TGM6: variants seen among roughly 807,000 people sequenced by gnomAD.
The protein encoded by TGM6 is transglutaminase 6.
In TGM6, 74 loss-of-function variants were observed where a neutral mutation model predicts 77.5. The ratio of observed to expected loss-of-function variants is 0.96; its 90% CI spans 0.79 to 1.16. TGM6 has a LOEUF of 1.16. TGM6 is among the 50% of genes most tolerant of loss of function. The probability of loss-of-function intolerance (pLI) is 0.00; values close to 1 mark genes in which losing one functional copy is unlikely to be tolerated. For synonymous variants in TGM6, 383 were observed against 378.9 expected (o/e 1.01, Z -0.12); for missense variants, 968 against 940.2 (o/e 1.03, Z -0.39).
chr20:2,381,409 C>T (rs6113939), intron 1 of TGM6, among the ~76,000 whole-genome samples: 2,772 of 152,196 alleles, frequency 0.018, 90 homozygotes, highest in African/African-American at 0.064. Context: ...TGATTCCCAC[C>T]CCAAGCACTT....
At chr20:2,397,885 G>A (rs200355765) in intron 4 of TGM6, 33 bp from the exon 5 acceptor site, 19 of 1,613,990 alleles carry the variant, frequency 1.2e-5, no homozygotes, top group South Asian at 4.4e-5. Context: ...GTGACTGAAC[G>A]CAGCCTCTAA....
Position 2,417,538 on chromosome 20 carries a change from A to G in TGM6, c.1643A>G (p.His548Arg), listed in dbSNP as rs753912117. ...YTRKPVAEIL[H>R]ESHAVRLGPQ... Reference sequence around the variant, plus strand: ...CGCAAGCCAGTGGCAGAGATCCTGCATGAATCCCACGCCGTGAGGCTGGGG... The same window carrying G: ...CGCAAGCCAGTGGCAGAGATCCTGCGTGAATCCCACGCCGTGAGGCTGGGG... Residue 548 changes from histidine to arginine, a missense_variant, in exon 10 of 13, where the codon CAT becomes CGT. Coordinates refer to ENST00000202625, the MANE Select transcript of TGM6 (RefSeq NM_198994.3). 1 of 1,605,460 alleles carries G rather than the reference A, an allele frequency of 6.2e-7. No individual in the cohort carries two copies. The highest frequency in any genetic ancestry group is 8.5e-7 in the Non-Finnish European group (1 of 1,179,930).
Position 2,430,565 on chromosome 20 carries a change from A to G in TGM6, c.1798A>G (p.Lys600Glu). Residue 600 changes from lysine to glutamate, a missense_variant, in exon 11 of 13, where the codon AAG becomes GAG. By Grantham distance (56) the Lys-to-Glu change is moderately conservative (BLOSUM62 1). Coordinates refer to ENST00000202625, the MANE Select transcript of TGM6 (RefSeq NM_198994.3). ...VTKGEKLLVEKDITLEDFITI... is the reference protein window; with the variant it reads ...VTKGEKLLVEEDITLEDFITI... ...CAAAGGAGAGAAGCTTCTGGTGGAG[A>G]AGGACATTACTCTAGAGGACTTCAT... The G allele has an allele frequency of 1.9e-6, 3 of 1,614,138 alleles. No individual in the cohort carries two copies. Among genetic ancestry groups the G allele is most frequent in the South Asian group, 1.1e-5 (1 of 91,080 alleles).
chr20:2,413,814 G>A (rs942091733), intron 9 of TGM6, among the ~76,000 whole-genome samples: 2 of 152,170 alleles, frequency 1.3e-5, no homozygotes, highest in African/African-American at 4.8e-5. Context: ...AAACATAGGA[G>A]TAAATCTTCA....
chr20:2,426,669 A>C lies in TGM6; in HGVS notation c.1679-3777A>C, dbSNP rs535595416. 1.6e-3 allele frequency among the ~76,000 whole-genome samples: 250 copies of C among 152,298 alleles called. 1 individual carries two copies. Among genetic ancestry groups the C allele is most frequent in the South Asian group, 9.9e-3 (48 of 4,828 alleles). ...TGTAGGTTTTTTGTAGATGTTCTTT[A>C]TCAAGTTGAGTAAATTCCTCCTCTA... On this transcript the variant is annotated intron_variant, in intron 10 of 12. Coordinates refer to ENST00000202625, the MANE Select transcript of TGM6 (RefSeq NM_198994.3).
chr20:2,391,112 T>C (rs1000974723), intron 1 of TGM6, among the ~76,000 whole-genome samples: 1 of 151,548 alleles, frequency 6.6e-6, no homozygotes, highest in African/African-American at 2.4e-5. Flanking sequence ...GGCTTCCATG[T>C]TGAGAATGAG....
chr20:2,422,686 C>A (rs1212041783), intron 10 of TGM6, among the ~76,000 whole-genome samples: 2 of 152,042 alleles, frequency 1.3e-5, no homozygotes, highest in Non-Finnish European at 2.9e-5. Flanking sequence ...AATCCCAGCA[C>A]TTTGGGAGGC....
intron 10 of TGM6, among the ~76,000 whole-genome samples, chr20:2,427,190 A>G (rs563735288): frequency 7.2e-5 from 11 of 152,092 alleles, no homozygotes; most frequent in Non-Finnish European, 1.3e-4. Context: ...ATATAGGCCT[A>G]TTCATGTTGT....
chr20:2,385,081 G>A (rs1402000465), intron 1 of TGM6, among the ~76,000 whole-genome samples: 1 of 152,176 alleles, frequency 6.6e-6, no homozygotes, highest in African/African-American at 2.4e-5. Context: ...ACGGCAAGCT[G>A]GGACCATGAT....
chr20:2,402,265 TA>T (rs1021095833), intron 7 of TGM6, among the ~76,000 whole-genome samples: 12 of 151,566 alleles, frequency 7.9e-5, no homozygotes, highest in African/African-American at 2.9e-4. Context: ...AAATAAAAAT[TA>T]AAAAATAAAG....
At chr20:2,381,855 C>T (rs557576812) in intron 1 of TGM6, among the ~76,000 whole-genome samples, 1 of 152,232 alleles carries the variant, frequency 6.6e-6, no homozygotes, top group South Asian at 2.1e-4. Context: ...GAGGTAGAGG[C>T]TACAGTGAGC....
intron 1 of TGM6, among the ~76,000 whole-genome samples, chr20:2,382,769 T>C (rs1455267053): frequency 6.6e-6 from 1 of 152,106 alleles, no homozygotes; most frequent in Non-Finnish European, 1.5e-5. Flanking sequence ...CTGGAGCTCC[T>C]TCTATCCCCC....
chr20:2,388,020 A>T lies in TGM6; in HGVS notation c.8-6432A>T, dbSNP rs557199855. On this transcript the variant is annotated intron_variant, in intron 1 of 12. Transcript: ENST00000202625. ...GTTCTAAGAGCAAGCAACCCAAGGG[A>T]ACCAGAAAGAAGCTGTATTAACTTT... Among the ~76,000 whole-genome samples the T allele has an allele frequency of 5.9e-5, 9 of 152,304 alleles. No homozygotes were observed. In the East Asian group the frequency reaches 1.7e-3, roughly 29 times the overall value.
At position 2,399,619 on chromosome 20, in the gene TGM6, G is replaced by A. The variant is rs1347223257; in HGVS notation, c.731G>A (p.Gly244Asp). 6.2e-7 allele frequency: 1 copy of A among 1,613,460 alleles called. No individual in the cohort carries two copies. The highest frequency in any genetic ancestry group is 1.1e-5 in the South Asian group (1 of 91,048). Reference protein sequence around the residue: ...VQGQWQGKYGGGTSPLHWRGS... With the variant: ...VQGQWQGKYGDGTSPLHWRGS... ...GGACAGTGGCAGGGCAAGTACGGCG[G>A]CGGCACCAGCCCGCTGCACTGGCGC... is the stretch of plus-strand genomic sequence containing the variant. Residue 244 changes from glycine (G) to aspartate (D), a missense_variant, in exon 6 of 13, where the codon GGC (glycine) becomes GAC (aspartate). Coordinates refer to ENST00000202625, the MANE Select transcript of TGM6 (RefSeq NM_198994.3).
At chr20:2,400,159 C>A in intron 6 of TGM6, 147 bp from the exon 7 acceptor site, 2 of 1,149,500 alleles carry the variant, frequency 1.7e-6, no homozygotes, top group Non-Finnish European at 2.5e-6. Flanking sequence ...GGAGTCTCAG[C>A]CCCACAACCT....
intron 10 of TGM6, among the ~76,000 whole-genome samples, chr20:2,427,552 T>G (rs1022342788): frequency 2.0e-5 from 3 of 152,218 alleles, no homozygotes; most frequent in African/African-American, 7.2e-5. Flanking sequence ...ATTTCTGCTC[T>G]AATTTTTATT....
chr20:2,410,595 A>G lies in TGM6; in HGVS notation c.1337-6637A>G, dbSNP rs180802209. On this transcript the variant is annotated intron_variant, in intron 9 of 12. Transcript: ENST00000202625. ...GTGTGAGTAACCCCGAGTAACCAACACTTGTGACTGGAGTCTGAAGTCTCA... is the reference window on the plus strand; with the variant it reads ...GTGTGAGTAACCCCGAGTAACCAACGCTTGTGACTGGAGTCTGAAGTCTCA... Among the ~76,000 whole-genome samples, 48 of 152,248 alleles carry G rather than the reference A, an allele frequency of 3.2e-4. 1 individual carries two copies. In the East Asian group the frequency reaches 6.0e-3, roughly 19 times the overall value.
intron 1 of TGM6, among the ~76,000 whole-genome samples, chr20:2,389,958 A>G (rs1342180970): frequency 1.3e-5 from 2 of 152,154 alleles, no homozygotes; most frequent in Non-Finnish European, 2.9e-5. Context: ...CATTCTTCCC[A>G]TCTTCTACGT....
intron 7 of TGM6, among the ~76,000 whole-genome samples, chr20:2,400,865 A>G (rs769417402): frequency 3.0e-4 from 46 of 151,930 alleles, no homozygotes; most frequent in Admixed American, 1.8e-3. Flanking sequence ...AAAATTCTTC[A>G]CATAAAGCTT....
Sources: gnomAD v4.1 joint callset for allele counts (sites outside exome capture counted in the v4.1 genomes callset) on GRCh38, gnomAD v4.1.1 for gene constraint, MANE v1.5 for transcripts, NCBI Gene and HGNC (gene_info 2026-07-23, HGNC 2026-07-21) for gene names.